NEDD4L: variants seen among roughly 807,000 people sequenced by gnomAD.
NEDD4L encodes the protein NEDD4 like E3 ubiquitin protein ligase.
NEDD4L carries 54 observed loss-of-function variants against 148.9 expected under a neutral mutation model. The ratio of observed to expected loss-of-function variants is 0.36; its 90% CI spans 0.29 to 0.45. The LOEUF (loss-of-function observed/expected upper bound fraction) is 0.45, where lower values mean the gene tolerates loss of function less well. Ranked by LOEUF, NEDD4L falls within the 20% of genes least tolerant of loss-of-function variation. The pLI is 1.00. For missense variants in NEDD4L, 856 were observed against 1,233.8 expected, an observed-to-expected ratio of 0.69 and a Z score of 4.59; for synonymous variants, 433 against 440.7, an observed-to-expected ratio of 0.98 and a Z score of 0.22.
intron 2 of NEDD4L, among the ~76,000 whole-genome samples, chr18:58,183,629 C>T (rs989362597): frequency 1.3e-5 from 2 of 152,310 alleles, no homozygotes; most frequent in East Asian, 1.9e-4. Flanking sequence ...GTATTCACTT[C>T]GAAGCTCCAT....
intron 5 of NEDD4L, among the ~76,000 whole-genome samples, chr18:58,288,182 AAGAG>A (rs1221932662): frequency 6.6e-6 from 1 of 152,232 alleles, no homozygotes; most frequent in Non-Finnish European, 1.5e-5. Flanking sequence ...GTAAACAAAA[AAGAG>A]AGCACAAAAT....
intron 13 of NEDD4L, among the ~76,000 whole-genome samples, chr18:58,339,995 G>A (rs554321771): frequency 1.1e-4 from 17 of 152,172 alleles, no homozygotes; most frequent in Admixed American, 4.6e-4. Context: ...GTAACCTCAC[G>A]TGAGAGGTTA....
intron 1 of NEDD4L, among the ~76,000 whole-genome samples, chr18:58,075,575 A>C (rs556554362): frequency 6.6e-6 from 1 of 152,274 alleles, no homozygotes; most frequent in African/African-American, 2.4e-5. Context: ...TCAGCATCCC[A>C]AAATGCTGGG....
At chr18:58,228,361 G>C (rs993654681) in intron 2 of NEDD4L, among the ~76,000 whole-genome samples, 1 of 152,176 alleles carries the variant, frequency 6.6e-6, no homozygotes, top group Non-Finnish European at 1.5e-5. Context: ...CATGCCAGGT[G>C]GGGGGCAGGA....
chr18:58,088,619 T>G (rs2083890440), intron 1 of NEDD4L, among the ~76,000 whole-genome samples: 1 of 152,232 alleles, frequency 6.6e-6, no homozygotes, highest in South Asian at 2.1e-4. Context: ...AAGGAACATA[T>G]AAACTTCATT....
chr18:58,374,531 A>G (rs548778146), intron 24 of NEDD4L, among the ~76,000 whole-genome samples: 25 of 149,846 alleles, frequency 1.7e-4, no homozygotes, highest in African/African-American at 5.9e-4. Context: ...ACAGGCGGAC[A>G]CTGTTCTCCT....
Position 58,044,538 on chromosome 18 carries a change from G to C in NEDD4L, c.-123G>C. ...CTGCCGGCGCCCGGCCGCTTACCCG[G>C]CAGGGCGTGCGCAGGGTAGGGTGCG... On this transcript the variant is annotated 5_prime_UTR_variant, in exon 1 of 31. Coordinates refer to ENST00000400345, the MANE Select transcript of NEDD4L (RefSeq NM_001144967.3). The C allele has an allele frequency of 8.0e-7, 1 of 1,250,152 alleles. No individual in the cohort carries two copies. Among genetic ancestry groups the C allele is most frequent in the Non-Finnish European group, 1.0e-6 (1 of 986,528 alleles). 77.4% of individuals were successfully genotyped at this position (1,250,152 alleles called of 1,614,324 possible).
At chr18:58,150,259 A>C (rs954687581) in intron 1 of NEDD4L, among the ~76,000 whole-genome samples, 1 of 152,184 alleles carries the variant, frequency 6.6e-6, no homozygotes. Context: ...TTTGAGACGG[A>C]GTTTCACTCT....
chr18:58,148,750 G>C (rs2034372323), intron 1 of NEDD4L, among the ~76,000 whole-genome samples: 1 of 152,196 alleles, frequency 6.6e-6, no homozygotes, highest in Non-Finnish European at 1.5e-5. Context: ...CCAGGGGCTA[G>C]AGCCTCAACA....
chr18:58,163,673 T>G (rs1410741207), intron 1 of NEDD4L, among the ~76,000 whole-genome samples: 2 of 152,206 alleles, frequency 1.3e-5, no homozygotes, highest in Non-Finnish European at 2.9e-5. Context: ...CTTTACCATA[T>G]TCATGTTCTT....
chr18:58,350,291 G>T (rs17808190), intron 17 of NEDD4L, among the ~76,000 whole-genome samples: 57,557 of 151,998 alleles, frequency 0.38, 12,485 homozygotes, highest in African/African-American at 0.6. Context: ...GGGCAACATT[G>T]GAGGCTGCGA....
intron 2 of NEDD4L, among the ~76,000 whole-genome samples, chr18:58,179,746 C>G (rs1223451695): frequency 6.6e-6 from 1 of 151,962 alleles, no homozygotes; most frequent in Non-Finnish European, 1.5e-5. Flanking sequence ...CCCATCACCC[C>G]TAGATGGGAC....
intron 1 of NEDD4L, among the ~76,000 whole-genome samples, chr18:58,125,816 A>G (rs1362451637): frequency 6.6e-6 from 1 of 152,272 alleles, no homozygotes; most frequent in African/African-American, 2.4e-5. Flanking sequence ...CAAGTATTTA[A>G]CAGTCTTTTC....
At chr18:58,119,749 G>C (rs1384205976) in intron 1 of NEDD4L, among the ~76,000 whole-genome samples, 2 of 152,210 alleles carry the variant, frequency 1.3e-5, no homozygotes, top group African/African-American at 4.8e-5. Flanking sequence ...CTGCACATCA[G>C]AATCACCTGG....
intron 5 of NEDD4L, among the ~76,000 whole-genome samples, chr18:58,301,090 G>A (rs1195818902): frequency 6.6e-6 from 1 of 152,098 alleles, no homozygotes; most frequent in Non-Finnish European, 1.5e-5. Context: ...TCCATAGTGT[G>A]TTAGTCACCA....
intron 8 of NEDD4L, among the ~76,000 whole-genome samples, chr18:58,324,461 C>T (rs1003914098): frequency 6.6e-6 from 1 of 152,206 alleles, no homozygotes; most frequent in Non-Finnish European, 1.5e-5. Flanking sequence ...AGGCTTCTCT[C>T]TCAAAGCCCA....
intron 16 of NEDD4L, among the ~76,000 whole-genome samples, chr18:58,343,426 TA>T (rs2042677537): frequency 6.6e-6 from 1 of 152,256 alleles, no homozygotes; most frequent in South Asian, 2.1e-4. Context: ...TCTCACAAAG[TA>T]ATCTCACTAG....
rs534859642 is a variant in NEDD4L at position 58,081,596 on chromosome 18, G to C, written c.48+36888G>C. ...TTTGAACACTTTAGGAAATCTGGATGCTGGAATTAACTCGGTCAAAACAAA... is the reference window on the plus strand; with the variant it reads ...TTTGAACACTTTAGGAAATCTGGATCCTGGAATTAACTCGGTCAAAACAAA... On this transcript the variant is annotated intron_variant, in intron 1 of 30. Coordinates refer to ENST00000400345, the MANE Select transcript of NEDD4L (RefSeq NM_001144967.3). 2.6e-5 allele frequency among the ~76,000 whole-genome samples: 4 copies of C among 152,198 alleles called. No individual in the cohort carries two copies. In the South Asian group the frequency reaches 8.3e-4, roughly 32 times the overall value.
chr18:58,242,540 G>A (rs969777540), intron 2 of NEDD4L, among the ~76,000 whole-genome samples: 6 of 151,868 alleles, frequency 4.0e-5, no homozygotes, highest in Non-Finnish European at 7.4e-5. Flanking sequence ...TCACTCTGTC[G>A]CCCATCCTGG....
Sources: allele counts gnomAD v4.1 joint callset (sites outside exome capture counted in the v4.1 genomes callset), GRCh38; gene constraint gnomAD v4.1.1; transcripts MANE v1.5; gene names NCBI Gene and HGNC (gene_info 2026-07-23, HGNC 2026-07-21).